GAB2: variants seen among roughly 807,000 people sequenced by gnomAD.
GAB2 encodes the protein GRB2 associated binding protein 2, also known as GRB2-associated-binding protein 2.
In GAB2, 26 loss-of-function variants were observed where a neutral mutation model predicts 65.5. That is an observed-to-expected ratio of 0.40 (90% CI 0.29 to 0.55). The LOEUF (loss-of-function observed/expected upper bound fraction) is 0.55. Ranked by LOEUF, GAB2 falls within the 20% of genes least tolerant of loss-of-function variation. The pLI is 0.53. For synonymous variants in GAB2, 321 were observed against 329.6 expected, an observed-to-expected ratio of 0.97 and a Z score of 0.28; for missense variants, 884 against 875.8, an observed-to-expected ratio of 1.01 and a Z score of -0.12.
intron 2 of GAB2, among the ~76,000 whole-genome samples, chr11:78,251,458 AAG>A (rs1291327015): frequency 6.6e-6 from 1 of 152,196 alleles, no homozygotes; most frequent in African/African-American, 2.4e-5. Context: ...ACCCCAAGCC[AAG>A]GTCATTATTC....
intron 1 of GAB2, among the ~76,000 whole-genome samples, chr11:78,400,123 C>G (rs1402969831): frequency 6.6e-6 from 1 of 152,142 alleles, no homozygotes; most frequent in Admixed American, 6.5e-5. Flanking sequence ...TCTGAACTTT[C>G]AAAACTTCCT....
chr11:78,282,103 C>G (rs564336706), intron 1 of GAB2, among the ~76,000 whole-genome samples: 1 of 152,180 alleles, frequency 6.6e-6, no homozygotes, highest in African/African-American at 2.4e-5. Context: ...CCTTACTAAG[C>G]TTTCAATATG....
chr11:78,285,087 T>C (rs1215214668), intron 1 of GAB2, among the ~76,000 whole-genome samples: 1 of 152,268 alleles, frequency 6.6e-6, no homozygotes, highest in Non-Finnish European at 1.5e-5. Flanking sequence ...TTCAGAATTA[T>C]GCATGTACTT....
chr11:78,330,878 T>C (rs1051343053), intron 1 of GAB2, among the ~76,000 whole-genome samples: 1 of 152,050 alleles, frequency 6.6e-6, no homozygotes, highest in Non-Finnish European at 1.5e-5. Context: ...TCACAGTTAT[T>C]AATAGTAGAA....
chr11:78,322,298 C>CAAAAAAAAAAAAA lies in GAB2; in HGVS notation c.76-41410_76-41398dup, dbSNP rs56709163. Reference sequence around the variant, plus strand: ...TGGCTGACAGAGGGAGACTCTGTCTCAAAAAAAAAAAAAAAAAAAAAAAAA... The same window carrying CAAAAAAAAAAAAA: ...TGGCTGACAGAGGGAGACTCTGTCTCAAAAAAAAAAAAAAAAAAAAAAAAAAAAAAAAAAAAAA... On this transcript the variant is annotated intron_variant, in intron 1 of 9. Transcript: ENST00000361507. Among the ~76,000 whole-genome samples, 33 of 12,076 alleles carry CAAAAAAAAAAAAA rather than the reference C, an allele frequency of 2.7e-3. 2 individuals carry two copies. Among genetic ancestry groups the CAAAAAAAAAAAAA allele is most frequent in the Non-Finnish European group, 3.8e-3 (17 of 4,428 alleles). The allele number at this position is 12,076 out of a possible 152,430, so 7.9% of individuals were successfully genotyped here. A position where few individuals can be genotyped will look rare whatever the true frequency, so the allele number is the denominator to read the frequency against.
chr11:78,226,340 A>G, intron 4 of GAB2, 125 bp downstream of exon 4: 1 of 744,028 alleles, frequency 1.3e-6, no homozygotes, highest in Non-Finnish European at 2.4e-6. Context: ...TATGTTTTTG[A>G]GTATCAGTGA....
chr11:78,261,109 T>C (rs950768348), intron 2 of GAB2, among the ~76,000 whole-genome samples: 2 of 152,054 alleles, frequency 1.3e-5, no homozygotes, highest in African/African-American at 2.4e-5. Flanking sequence ...CTGAGATATA[T>C]ATATATCTCA....
chr11:78,316,412 G>A (rs4945265), intron 1 of GAB2, among the ~76,000 whole-genome samples: 24,013 of 152,024 alleles, frequency 0.16, 2,448 homozygotes, highest in East Asian at 0.4. Flanking sequence ...ATTATAAGGG[G>A]TTAATAACTA....
At chr11:78,353,076 T>G (rs932774215) in intron 1 of GAB2, among the ~76,000 whole-genome samples, 1 of 152,178 alleles carries the variant, frequency 6.6e-6, no homozygotes, top group African/African-American at 2.4e-5. Context: ...ACCAGCAGCA[T>G]GAGCATCATC....
rs186527673 is a variant in GAB2 at position 78,291,401 on chromosome 11, G to A, written c.76-10500C>T. Among the ~76,000 whole-genome samples the A allele has an allele frequency of 4.8e-3, 716 of 150,702 alleles. 11 individuals carry two copies. The highest frequency in any genetic ancestry group is 0.017 in the African/African-American group (680 of 41,100). On this transcript the variant is annotated intron_variant, in intron 1 of 9. Coordinates refer to ENST00000361507, the MANE Select transcript of GAB2 (RefSeq NM_080491.3). ...GAATGGCTTGAACCTGGGAGGCAGA[G>A]CTTACGGTGAGCGGAGATCGCACCA...
intron 1 of GAB2, among the ~76,000 whole-genome samples, chr11:78,288,001 A>C (rs1258458496): frequency 6.6e-6 from 1 of 151,698 alleles, no homozygotes; most frequent in African/African-American, 2.4e-5. Context: ...AAGGTGATAA[A>C]GCAAAAAACA....
At chr11:78,407,920 A>AT (rs1267063957) in intron 1 of GAB2, among the ~76,000 whole-genome samples, 7 of 152,202 alleles carry the variant, frequency 4.6e-5, no homozygotes, top group African/African-American at 1.7e-4. Flanking sequence ...AAAGAAAAGA[A>AT]GTGTCAACTA....
At chr11:78,374,027 C>T (rs1050269738) in intron 1 of GAB2, among the ~76,000 whole-genome samples, 2 of 152,190 alleles carry the variant, frequency 1.3e-5, no homozygotes, top group Non-Finnish European at 2.9e-5. Flanking sequence ...ATTCTAATCC[C>T]AGGTTGCCTT....
rs111472048 is a variant in GAB2, at chr11:78,355,135, G to A, written c.75+62511C>T. On this transcript the variant is annotated intron_variant, in intron 1 of 9. Transcript: ENST00000361507. ...CATTAGTGTAATAGAGATCCTCCACGGGAATAGGGATTAGGAGATGTGGGT... is the reference window on the plus strand; with the variant it reads ...CATTAGTGTAATAGAGATCCTCCACAGGAATAGGGATTAGGAGATGTGGGT... Among the ~76,000 whole-genome samples, 462 of 152,332 alleles carry A rather than the reference G, an allele frequency of 3.0e-3. 2 individuals carry two copies. Among genetic ancestry groups the A allele is most frequent in the African/African-American group, 0.01 (429 of 41,566 alleles).
At chr11:78,221,502 T>A (rs998666237) in intron 8 of GAB2, among the ~76,000 whole-genome samples, 175 bp downstream of exon 8, 1 of 152,114 alleles carries the variant, frequency 6.6e-6, no homozygotes, top group African/African-American at 2.4e-5. Flanking sequence ...TGATGACAAC[T>A]CCTACTGCTT....
chr11:78,395,719 G>A (rs982385384), intron 1 of GAB2, among the ~76,000 whole-genome samples: 1 of 152,124 alleles, frequency 6.6e-6, no homozygotes, highest in Non-Finnish European at 1.5e-5. Flanking sequence ...CCCTCTAAGC[G>A]AAAACTATTC....
intron 1 of GAB2, among the ~76,000 whole-genome samples, chr11:78,342,155 A>T (rs1175475047): frequency 6.6e-6 from 1 of 152,228 alleles, no homozygotes; most frequent in Non-Finnish European, 1.5e-5. Flanking sequence ...ATTTCAACCT[A>T]CAATTTCAGT....
rs1856110524 is a variant in GAB2, at chr11:78,342,358, A to T, written c.76-61457T>A. On this transcript the variant is annotated intron_variant, in intron 1 of 9. Transcript: ENST00000361507. Reference sequence around the variant, plus strand: ...TAGGCTGTTGTCCTTGATCTTTAAAATACAATATAAACCCTCCCTCCTCTA... The same window carrying T: ...TAGGCTGTTGTCCTTGATCTTTAAATTACAATATAAACCCTCCCTCCTCTA... 2.0e-5 allele frequency among the ~76,000 whole-genome samples: 3 copies of T among 151,298 alleles called. No individual in the cohort carries two copies. In the South Asian group the frequency reaches 6.3e-4, roughly 32 times the overall value.
At chr11:78,383,104 C>T (rs115509291) in intron 1 of GAB2, among the ~76,000 whole-genome samples, 3 of 152,272 alleles carry the variant, frequency 2.0e-5, no homozygotes, top group South Asian at 2.1e-4. Flanking sequence ...AAAACCTTGT[C>T]TCTACCAGTA....
Sources: gnomAD v4.1 joint callset for allele counts (sites outside exome capture counted in the v4.1 genomes callset) on GRCh38, gnomAD v4.1.1 for gene constraint, MANE v1.5 for transcripts, NCBI Gene and HGNC (gene_info 2026-07-23, HGNC 2026-07-21) for gene names.